The following ZNF804B variants were observed in gnomAD, a reference collection of about 807,000 sequenced individuals.
ZNF804B encodes zinc finger 804B.
Under a neutral mutation model 101.4 loss-of-function variants are expected in ZNF804B, and 80 were observed. That is an observed-to-expected ratio of 0.79 (90% CI 0.66 to 0.95). ZNF804B has a LOEUF of 0.95. Ranked by LOEUF, ZNF804B falls within the 40% of genes least tolerant of loss-of-function variation. The pLI is 0.00. For missense variants in ZNF804B, 1,673 were observed against 1,561.9 expected (o/e 1.07, Z -1.20); for synonymous variants, 622 against 558.8 (o/e 1.11, Z -1.59).
intron 2 of ZNF804B, among the ~76,000 whole-genome samples, chr7:89,220,592 G>T (rs145995135): frequency 1.0e-3 from 158 of 151,950 alleles, no homozygotes; most frequent in Middle Eastern, 6.8e-3. Flanking sequence ...GTGCCAGATG[G>T]TATATCATTT....
At position 89,335,863 on chromosome 7, in the gene ZNF804B, G is replaced by T; in HGVS notation, c.2881G>T (p.Val961Phe). The stretch of plus-strand genomic sequence containing the variant: ...AAGTGAATTAGAGGCTCCTTCGCAA[G>T]TCCCATGCACAATTCAACTTGCACC... ...CKSELEAPSQ[V>F]PCTIQLAPSG... Residue 961 changes from valine to phenylalanine, a missense_variant, in exon 4 of 4, where the codon GTC (valine) becomes TTC (phenylalanine). Physicochemically the swap from Val to Phe is conservative, Grantham distance 50. Coordinates refer to ENST00000333190, the MANE Select transcript of ZNF804B (RefSeq NM_181646.5). The T allele has an allele frequency of 6.2e-7, 1 of 1,614,086 alleles. No individual in the cohort carries two copies. The highest frequency in any genetic ancestry group is 8.5e-7 in the Non-Finnish European group (1 of 1,179,982).
At chr7:89,002,999 C>T (rs1490507495) in intron 1 of ZNF804B, among the ~76,000 whole-genome samples, 1 of 150,636 alleles carries the variant, frequency 6.6e-6, no homozygotes, top group African/African-American at 2.4e-5. Flanking sequence ...CACAAGGTTA[C>T]CAATTACATT....
chr7:89,275,434 A>G (rs953505915), intron 2 of ZNF804B, among the ~76,000 whole-genome samples: 1 of 151,856 alleles, frequency 6.6e-6, no homozygotes, highest in Non-Finnish European at 1.5e-5. Context: ...CATATCACTC[A>G]AAGTAGAAAT....
intron 1 of ZNF804B, among the ~76,000 whole-genome samples, chr7:89,080,499 C>T (rs2116311945): frequency 6.6e-6 from 1 of 152,006 alleles, no homozygotes; most frequent in Admixed American, 6.6e-5. Flanking sequence ...CTCTAATTAG[C>T]TCTTTATGCT....
rs528329114 is a variant in ZNF804B at position 88,990,578 on chromosome 7, C to T, written c.109-227577C>T. On this transcript the variant is annotated intron_variant, in intron 1 of 3. Coordinates refer to ENST00000333190, the MANE Select transcript of ZNF804B (RefSeq NM_181646.5). ...GTTCCTCTGACGTTAATGTTCAAAACATTTTCACCACTCTACCATATTGTA... is the reference window on the plus strand; with the variant it reads ...GTTCCTCTGACGTTAATGTTCAAAATATTTTCACCACTCTACCATATTGTA... 6.6e-5 allele frequency among the ~76,000 whole-genome samples: 10 copies of T among 152,160 alleles called. No individual in the cohort carries two copies. The East Asian group carries it at 1.7e-3, about 27-fold the overall frequency.
chr7:89,185,904 A>G (rs949537482), intron 1 of ZNF804B, among the ~76,000 whole-genome samples: 3 of 151,968 alleles, frequency 2.0e-5, no homozygotes, highest in East Asian at 3.9e-4. Flanking sequence ...AAAAAAAAAG[A>G]CACAATTTTA....
At chr7:88,774,018 A>C (rs534358196) in intron 1 of ZNF804B, among the ~76,000 whole-genome samples, 2 of 152,186 alleles carry the variant, frequency 1.3e-5, no homozygotes, top group South Asian at 4.1e-4. Flanking sequence ...TGGATAAAAC[A>C]GAAAAAAGAA....
chr7:88,763,596 G>T (rs557344546), intron 1 of ZNF804B, among the ~76,000 whole-genome samples: 2 of 151,490 alleles, frequency 1.3e-5, no homozygotes, highest in East Asian at 3.9e-4. Flanking sequence ...GGATTTTATG[G>T]TGCTTAATGA....
chr7:89,249,485 A>G (rs187916269), intron 2 of ZNF804B, among the ~76,000 whole-genome samples: 3 of 152,326 alleles, frequency 2.0e-5, no homozygotes. Flanking sequence ...AAGATCTCTC[A>G]AAACTACAAA....
intron 1 of ZNF804B, among the ~76,000 whole-genome samples, chr7:88,945,722 G>A (rs1793118818): frequency 6.6e-6 from 1 of 152,124 alleles, no homozygotes; most frequent in South Asian, 2.1e-4. Context: ...CTATACATCA[G>A]CATGGAATAT....
Position 89,265,294 on chromosome 7 carries a change from G to GCA in ZNF804B, c.249+47000_249+47001insAC, listed in dbSNP as rs879636976. Among the ~76,000 whole-genome samples, 697 of 89,300 alleles carry GCA rather than the reference G, an allele frequency of 7.8e-3. 9 individuals carry two copies. Among genetic ancestry groups the GCA allele is most frequent in the South Asian group, 0.017 (46 of 2,646 alleles). 58.6% of individuals were successfully genotyped at this position (89,300 alleles called of 152,430 possible). ...TGTGTGTGTGTGTGTGTGTGTGTGT[G>GCA]CGCGTGCGCGCGCGCACACATGCAC... On this transcript the variant is annotated intron_variant, in intron 2 of 3. Coordinates refer to ENST00000333190, the MANE Select transcript of ZNF804B (RefSeq NM_181646.5).
chr7:89,156,061 T>TCTCTCTCG (rs1562899744), intron 1 of ZNF804B, among the ~76,000 whole-genome samples: 1 of 77,078 alleles, frequency 1.3e-5, no homozygotes, highest in South Asian at 4.6e-4. Flanking sequence ...TCTTTCTTTC[T>TCTCTCTCG]TTCTTTCTTT....
At chr7:88,975,878 A>G (rs1385894442) in intron 1 of ZNF804B, among the ~76,000 whole-genome samples, 1 of 151,574 alleles carries the variant, frequency 6.6e-6, no homozygotes, top group Non-Finnish European at 1.5e-5. Context: ...ATTTTGCCCA[A>G]TGTTTCCTTT....
chr7:88,776,477 G>C (rs1198394953), intron 1 of ZNF804B, among the ~76,000 whole-genome samples: 2 of 151,250 alleles, frequency 1.3e-5, no homozygotes. Flanking sequence ...AAAATGTTCA[G>C]TGTGTGCCCT....
intron 1 of ZNF804B, among the ~76,000 whole-genome samples, chr7:88,901,821 A>C (rs1322462556): frequency 6.6e-6 from 1 of 151,954 alleles, no homozygotes; most frequent in Non-Finnish European, 1.5e-5. Context: ...TTGTTGGAAT[A>C]ATTATAATGA....
intron 1 of ZNF804B, among the ~76,000 whole-genome samples, chr7:89,189,450 C>T (rs1034137486): frequency 1.3e-5 from 2 of 152,034 alleles, no homozygotes; most frequent in East Asian, 1.9e-4. Flanking sequence ...ATCCAAGTAA[C>T]CTTGTGGTAT....
At chr7:88,817,060 T>G (rs1262531065) in intron 1 of ZNF804B, among the ~76,000 whole-genome samples, 3 of 151,956 alleles carry the variant, frequency 2.0e-5, no homozygotes, top group Non-Finnish European at 4.4e-5. Context: ...CCATAAAAAA[T>G]GATGAGTTCA....
intron 1 of ZNF804B, among the ~76,000 whole-genome samples, chr7:89,025,866 T>G (rs970605208): frequency 6.6e-6 from 1 of 152,160 alleles, no homozygotes; most frequent in Non-Finnish European, 1.5e-5. Context: ...AATTACGATT[T>G]TTAAAAGGCA....
Position 89,333,571 on chromosome 7 carries a change from T to C in ZNF804B, c.589T>C (p.Cys197Arg). ...ACACCAATTACAATCAGACAGGCGT[T>C]GTTTGTTTGGAAATCAGGTACTGCA... is the stretch of plus-strand genomic sequence containing the variant. ...NRHQLQSDRR[C>R]LFGNQVLQTS... The change falls in exon 4 of 4, where the codon TGT becomes CGT. Residue 197 changes from cysteine to arginine, a missense_variant. By Grantham distance (180) the Cys-to-Arg change is radical. Transcript: ENST00000333190. The C allele has an allele frequency of 1.9e-6, 3 of 1,613,640 alleles. No homozygotes were observed. Among genetic ancestry groups the C allele is most frequent in the Non-Finnish European group, 2.5e-6 (3 of 1,179,720 alleles).
Sources: gnomAD v4.1 joint callset for allele counts (sites outside exome capture counted in the v4.1 genomes callset) on GRCh38, gnomAD v4.1.1 for gene constraint, MANE v1.5 for transcripts, NCBI Gene and HGNC (gene_info 2026-07-23, HGNC 2026-07-21) for gene names.